SLC38A6: variants seen among roughly 807,000 people sequenced by gnomAD.
SLC38A6 encodes solute carrier family 38 member 6, also known as N system amino acid transporter NAT-1.
Under a neutral mutation model 65.0 loss-of-function variants are expected in SLC38A6, and 73 were observed. The observed-to-expected ratio is 1.12, with a 90% CI of 0.93 to 1.37. The LOEUF (loss-of-function observed/expected upper bound fraction) is 1.37, where lower values mean the gene tolerates loss of function less well. Among genes scored for constraint, SLC38A6 ranks in the 40% most tolerant of loss-of-function variants. SLC38A6 has a pLI of 0.00. For synonymous variants in SLC38A6, 183 were observed against 178.8 expected, an observed-to-expected ratio of 1.02 and a Z score of -0.19; for missense variants, 561 against 531.1, an observed-to-expected ratio of 1.06 and a Z score of -0.55.
At chr14:61,051,478 A>T (rs922541722) in intron 13 of SLC38A6, among the ~76,000 whole-genome samples, 2 of 152,114 alleles carry the variant, frequency 1.3e-5, no homozygotes, top group Non-Finnish European at 2.9e-5. Flanking sequence ...TTTAATGAAA[A>T]TCATTCTTTG....
chr14:61,024,662 T>C (rs1594633877), intron 5 of SLC38A6, among the ~76,000 whole-genome samples: 1 of 152,316 alleles, frequency 6.6e-6, no homozygotes, highest in African/African-American at 2.4e-5. Flanking sequence ...AAAACTAAGG[T>C]AAGTAGTTGG....
exon 17 of SLC38A6, chr14:61,083,682 C>T: frequency 6.5e-7 from 1 of 1,549,756 alleles, no homozygotes; most frequent in Non-Finnish European, 8.7e-7. Context: ...TGATCTTGCA[C>T]TTCCCAACCT....
chr14:60,981,749 C>A (rs910514855), intron 1 of SLC38A6: 38 of 1,291,376 alleles, frequency 2.9e-5, no homozygotes, highest in Non-Finnish European at 3.6e-5. Flanking sequence ...TTGCAAGAGT[C>A]ACAGGATTTT....
At chr14:61,002,654 C>A (rs1245343554) in intron 3 of SLC38A6, among the ~76,000 whole-genome samples, 2 of 152,168 alleles carry the variant, frequency 1.3e-5, no homozygotes, top group Non-Finnish European at 2.9e-5. Context: ...AACTCTTGCT[C>A]TCGCCAAAAT....
chr14:60,997,675 T>C (rs1594996685), intron 3 of SLC38A6, among the ~76,000 whole-genome samples: 1 of 152,198 alleles, frequency 6.6e-6, no homozygotes, highest in African/African-American at 2.4e-5. Flanking sequence ...AAGGTAGTAA[T>C]AAGGTGAATA....
At chr14:60,986,191 C>T (rs535288336) in intron 3 of SLC38A6, among the ~76,000 whole-genome samples, 1 of 152,360 alleles carries the variant, frequency 6.6e-6, no homozygotes, top group African/African-American at 2.4e-5. Flanking sequence ...CAGAATAATT[C>T]TGAAGCCACT....
intron 15 of SLC38A6, among the ~76,000 whole-genome samples, chr14:61,061,149 A>T (rs7155381): frequency 6.6e-6 from 1 of 152,096 alleles, no homozygotes; most frequent in Non-Finnish European, 1.5e-5. Context: ...CTCCTCCCCC[A>T]AGTGTTGAAT....
chr14:61,073,152 A>G (rs1487351755), intron 15 of SLC38A6, among the ~76,000 whole-genome samples: 1 of 152,124 alleles, frequency 6.6e-6, no homozygotes, highest in Admixed American at 6.5e-5. Context: ...GCACCTTTTC[A>G]TATGTCTGTT....
chr14:61,009,970 A>G (rs1566643520), intron 3 of SLC38A6, among the ~76,000 whole-genome samples: 2 of 152,308 alleles, frequency 1.3e-5, no homozygotes, highest in African/African-American at 2.4e-5. Flanking sequence ...GACTTCCACA[A>G]TGGTTGAACT....
chr14:61,015,795 T>G, intron 3 of SLC38A6, 109 bp from the exon 4 acceptor site: 1 of 715,764 alleles, frequency 1.4e-6, no homozygotes, highest in East Asian at 2.9e-5. Context: ...TTGGCCTGGA[T>G]CATAAGAATT....
Position 60,981,371 on chromosome 14 carries a change from T to C in SLC38A6, c.94T>C (p.Leu32=), listed in dbSNP as rs764844090. The change falls in exon 1 of 16, where the codon TTG becomes CTG. Residue 32 remains leucine (L), a synonymous_variant. Coordinates refer to ENST00000267488, the MANE Select transcript of SLC38A6 (RefSeq NM_153811.3). The part of the protein sequence containing the change: ...EEAEAEELSP[L]LSNELHRQRS... ...AGCGGAGGCCGAAGAGTTGAGTCCGTTGCTAAGCAACGTAAGTGGGCTGTG... is the reference window on the plus strand; with the variant it reads ...AGCGGAGGCCGAAGAGTTGAGTCCGCTGCTAAGCAACGTAAGTGGGCTGTG... 4.6e-5 allele frequency: 73 copies of C among 1,602,070 alleles called. No homozygotes were observed. Among genetic ancestry groups the C allele is most frequent in the Non-Finnish European group, 6.1e-5 (72 of 1,174,550 alleles).
chr14:61,051,659 T>G, intron 13 of SLC38A6, 128 bp from the exon 14 acceptor site: 1 of 895,272 alleles, frequency 1.1e-6, no homozygotes, highest in Non-Finnish European at 1.7e-6. Context: ...TAATAGTTTA[T>G]GCTGTATTTT....
chr14:60,986,998 A>G, intron 3 of SLC38A6: 1 of 389,016 alleles, frequency 2.6e-6, no homozygotes, highest in Non-Finnish European at 4.9e-6. Context: ...TCTGGGGCGT[A>G]TGAAGTGAAT....
chr14:61,081,600 G>A (rs550390123), intron 16 of SLC38A6, among the ~76,000 whole-genome samples: 2 of 152,074 alleles, frequency 1.3e-5, no homozygotes, highest in East Asian at 1.9e-4. Flanking sequence ...CAGGAGAATC[G>A]CTTGAACCCG....
At chr14:61,000,126 C>T (rs922663794) in intron 3 of SLC38A6, among the ~76,000 whole-genome samples, 6 of 152,210 alleles carry the variant, frequency 3.9e-5, no homozygotes, top group Admixed American at 2.0e-4. Context: ...TCTGCATTTA[C>T]ATGGTAATTG....
intron 3 of SLC38A6, among the ~76,000 whole-genome samples, chr14:60,999,516 C>A (rs185093669): frequency 7.9e-5 from 12 of 152,178 alleles, no homozygotes; most frequent in Admixed American, 3.3e-4. Flanking sequence ...ATGAAATTCC[C>A]ATAGGTATTA....
chr14:60,995,313 C>G (rs993598789), intron 3 of SLC38A6, among the ~76,000 whole-genome samples: 1 of 152,150 alleles, frequency 6.6e-6, no homozygotes, highest in African/African-American at 2.4e-5. Context: ...CTGCCATTTT[C>G]AACAACATGC....
intron 3 of SLC38A6, among the ~76,000 whole-genome samples, chr14:61,003,876 G>A (rs566337661): frequency 6.6e-6 from 1 of 152,092 alleles, no homozygotes; most frequent in African/African-American, 2.4e-5. Context: ...TATGCTGACC[G>A]GAAAGCTAGA....
chr14:60,990,667 G>T (rs111351928), intron 3 of SLC38A6, among the ~76,000 whole-genome samples: 1 of 151,576 alleles, frequency 6.6e-6, no homozygotes, highest in Non-Finnish European at 1.5e-5. Context: ...GTGTCTTGCT[G>T]TGTGGCCCAG....
Sources: allele counts gnomAD v4.1 joint callset (sites outside exome capture counted in the v4.1 genomes callset), GRCh38; gene constraint gnomAD v4.1.1; transcripts MANE v1.5; gene names NCBI Gene and HGNC (gene_info 2026-07-23, HGNC 2026-07-21).